Variants in RLIM observed in about 807,000 individuals in gnomAD.
RLIM encodes the protein ring finger protein, LIM domain interacting.
Under a neutral mutation model 34.0 loss-of-function variants are expected in RLIM, and 2 were observed. The ratio of observed to expected loss-of-function variants is 0.06; its 90% CI spans 0.02 to 0.19. RLIM has a LOEUF of 0.19. Ranked by LOEUF, RLIM falls within the 10% of genes least tolerant of loss-of-function variation. RLIM has a pLI of 1.00. For synonymous variants in RLIM, 169 were observed against 164.0 expected, an observed-to-expected ratio of 1.03 and a Z score of -0.23; for missense variants, 286 against 479.7, an observed-to-expected ratio of 0.60 and a Z score of 3.77.
At chrX:74,597,620 T>C (rs371253839) in intron 1 of RLIM, among the ~76,000 whole-genome samples, 1 of 112,100 alleles carries the variant, frequency 8.9e-6, no homozygotes, top group African/African-American at 3.2e-5. Flanking sequence ...AAAGACCTAG[T>C]TGGACAAATT....
chrX:74,599,331 A>G (rs753085760), intron 1 of RLIM, among the ~76,000 whole-genome samples: 2 of 112,079 alleles, frequency 1.8e-5, no homozygotes, highest in South Asian at 7.4e-4. Flanking sequence ...AAACAATGGT[A>G]GTCAACAATC....
At position 74,583,691 on chromosome X, in the gene RLIM, TGC is replaced by T; in HGVS notation, c.*7747_*7748del. On this transcript the variant is annotated 3_prime_UTR_variant, in exon 4 of 4. Coordinates refer to ENST00000332687, the MANE Select transcript of RLIM (RefSeq NM_016120.4). ...CATAGTGCTAAGGTGTATCTGGTAA[TGC>T]CCAGTGCTTTACTGAATTTACAGTA... 2.8e-6 allele frequency: 1 copy of T among 357,580 alleles called. No homozygotes were observed. The highest frequency in any genetic ancestry group is 4.9e-6 in the Non-Finnish European group (1 of 204,704). The allele number at this position is 357,580 out of a possible 1,213,427, so 29.5% of individuals were successfully genotyped here.
chrX:74,586,190 A>C lies in RLIM; in HGVS notation c.*5250T>G, dbSNP rs1387400344. 8.9e-6 allele frequency: 1 copy of C among 112,260 alleles called. No individual in the cohort carries two copies. The highest frequency in any genetic ancestry group is 1.9e-5 in the Non-Finnish European group (1 of 53,316). 9.3% of individuals were successfully genotyped at this position (112,260 alleles called of 1,213,427 possible). ...GCACCAGGGACAAATGGAGCTATCA[A>C]GAGGTAAAATCCAAACACTGGACAG... On this transcript the variant is annotated 3_prime_UTR_variant, in exon 4 of 4. Coordinates refer to ENST00000332687, the MANE Select transcript of RLIM (RefSeq NM_016120.4).
chrX:74,610,838 C>T (rs1344816006), intron 1 of RLIM, among the ~76,000 whole-genome samples: 1 of 108,930 alleles, frequency 9.2e-6, no homozygotes, highest in African/African-American at 3.4e-5. Flanking sequence ...TGCAGTGAGC[C>T]GAGAGTGCAC....
Position 74,588,489 on chromosome X carries a change from A to G in RLIM, c.*2951T>C, listed in dbSNP as rs1034898230. On this transcript the variant is annotated 3_prime_UTR_variant, in exon 4 of 4. Transcript: ENST00000332687. ...CTGTCTCAAAAAAACAAAACAAAAC[A>G]AAACAAAACAAAAAAACCTCAACTT... 1.4e-4 allele frequency: 16 copies of G among 111,927 alleles called. No homozygotes were observed. The highest frequency in any genetic ancestry group is 2.3e-4 in the Non-Finnish European group (12 of 53,213). 9.2% of individuals were successfully genotyped at this position (111,927 alleles called of 1,213,427 possible).
At chrX:74,596,211 G>A (rs1431361658) in intron 1 of RLIM, among the ~76,000 whole-genome samples, 2 of 112,052 alleles carry the variant, frequency 1.8e-5, no homozygotes, top group Non-Finnish European at 3.8e-5. Context: ...CAGGGTTGGC[G>A]AACTAAAGCC....
rs1284044248 is a variant in RLIM at position 74,585,436 on chromosome X, T to C, written c.*6004A>G. The stretch of plus-strand genomic sequence containing the variant: ...TTGGTTTGAAGCAACAGAACCTTTA[T>C]AGCAGATTCCCCTTTTTAAAGAAAA... On this transcript the variant is annotated 3_prime_UTR_variant, in exon 4 of 4. Transcript: ENST00000332687. The C allele has an allele frequency of 8.9e-6, 1 of 111,849 alleles. No individual in the cohort carries two copies. Among genetic ancestry groups the C allele is most frequent in the Non-Finnish European group, 1.9e-5 (1 of 53,209 alleles). The allele number at this position is 111,849 out of a possible 1,213,427, so 9.2% of individuals were successfully genotyped here.
chrX:74,607,660 G>T (rs181754582), intron 1 of RLIM, among the ~76,000 whole-genome samples: 1 of 112,776 alleles, frequency 8.9e-6, no homozygotes, highest in African/African-American at 3.2e-5. Flanking sequence ...AGTGAGCAGA[G>T]ATCGTGCCAT....
At chrX:74,594,772 G>A (rs2079632721) in intron 2 of RLIM, among the ~76,000 whole-genome samples, 1 of 109,487 alleles carries the variant, frequency 9.1e-6, no homozygotes, top group Admixed American at 9.8e-5. Context: ...GGTGGCAGGT[G>A]CCTGTAATCC....
In RLIM at chrX:74,583,950, G is replaced by A. The variant is rs375417765; in HGVS notation, c.*7490C>T. ...AATCCCAGCTACTCGGGAGGCTGAG[G>A]CAGGAGAATCGTTTGAACCCAGAGG... On this transcript the variant is annotated 3_prime_UTR_variant, in exon 4 of 4. Coordinates refer to ENST00000332687, the MANE Select transcript of RLIM (RefSeq NM_016120.4). Among the ~76,000 whole-genome samples, 1 of 111,320 alleles carries A rather than the reference G, an allele frequency of 9.0e-6. No individual in the cohort carries two copies. Among genetic ancestry groups the A allele is most frequent in the East Asian group, 2.8e-4 (1 of 3,541 alleles).
Position 74,591,931 on chromosome X carries a change from T to C in RLIM, c.1384A>G (p.Ser462Gly), listed in dbSNP as rs2147372077. The part of the protein sequence containing the change: ...GSSSGSSSSS[S>G]SSSSSSSSSS... ...CTGGAACTGGAACTCGAACTGGAAC[T>C]GGAACTCGAACTGGAACCAGAACTA... Residue 462 changes from serine to glycine, a missense_variant, in exon 4 of 4, where the codon AGT becomes GGT. Physicochemically the swap from Ser to Gly is moderately conservative, Grantham distance 56. Coordinates refer to ENST00000332687, the MANE Select transcript of RLIM (RefSeq NM_016120.4). 1 of 1,210,890 alleles carries C rather than the reference T, an allele frequency of 8.3e-7. No individual in the cohort carries two copies.
At position 74,588,290 on chromosome X, in the gene RLIM, T is replaced by G. The variant is rs2079596644; in HGVS notation, c.*3150A>C. 9.0e-6 allele frequency: 1 copy of G among 110,901 alleles called. No individual in the cohort carries two copies. The highest frequency in any genetic ancestry group is 1.9e-5 in the Non-Finnish European group (1 of 53,014). The allele number at this position is 110,901 out of a possible 1,213,427, so 9.1% of individuals were successfully genotyped here. A position where few individuals can be genotyped will look rare whatever the true frequency, so the allele number is the denominator to read the frequency against. ...TTCAAGACCAGCCTGGCCAACACGG[T>G]GAAGTCCCCATCTCTACTAAAAATA... is the stretch of plus-strand genomic sequence containing the variant. On this transcript the variant is annotated 3_prime_UTR_variant, in exon 4 of 4. Transcript: ENST00000332687.
Position 74,592,589 on chromosome X carries a change from A to C in RLIM, c.726T>G (p.Ser242=). The C allele has an allele frequency of 8.3e-7, 1 of 1,211,742 alleles. No individual in the cohort carries two copies. The highest frequency in any genetic ancestry group is 1.1e-6 in the Non-Finnish European group (1 of 895,538). The change falls in exon 4 of 4, where the codon TCT becomes TCG. Residue 242 remains serine (S), a synonymous_variant. Transcript: ENST00000332687. ...LHPMSEIPRR[S]HHSISSQTFE... is the part of the protein sequence containing the mutation. ...AAGTCTGAGATGAGATACTATGATG[A>C]GATCTTCGTGGAATTTCACTCATTG...
chrX:74,610,030 T>A (rs2819592), intron 1 of RLIM, among the ~76,000 whole-genome samples: 1 of 112,256 alleles, frequency 8.9e-6, no homozygotes, highest in Non-Finnish European at 1.9e-5. Flanking sequence ...TTGCAAGAAA[T>A]CCACCAATCT....
chrX:74,602,598 G>A (rs1446422415), intron 1 of RLIM, among the ~76,000 whole-genome samples: 1 of 111,632 alleles, frequency 9.0e-6, no homozygotes, highest in Non-Finnish European at 1.9e-5. Context: ...TTATCTGGGC[G>A]TGGTGGCGCA....
At chrX:74,599,002 T>C (rs1351037498) in intron 1 of RLIM, among the ~76,000 whole-genome samples, 1 of 111,443 alleles carries the variant, frequency 9.0e-6, no homozygotes, top group East Asian at 2.8e-4. Flanking sequence ...AAGAGTATCA[T>C]TCTTCTCATT....
chrX:74,589,392 G>A lies in RLIM; in HGVS notation c.*2048C>T, dbSNP rs1277371034. The A allele has an allele frequency of 9.0e-6, 1 of 110,944 alleles. No individual in the cohort carries two copies. Among genetic ancestry groups the A allele is most frequent in the East Asian group, 2.8e-4 (1 of 3,548 alleles). The allele number at this position is 110,944 out of a possible 1,213,427, so 9.1% of individuals were successfully genotyped here. On this transcript the variant is annotated 3_prime_UTR_variant, in exon 4 of 4. Transcript: ENST00000332687. ...TATAAAGGAATCCTGACTTTTACAC[G>A]GACAAATTTTTAAAAAGATAAAATG... is the stretch of plus-strand genomic sequence containing the variant.
At position 74,583,350 on chromosome X, in the gene RLIM, A is replaced by G; in HGVS notation, c.*8090T>C. The G allele has an allele frequency of 3.5e-6, 3 of 850,375 alleles. No homozygotes were observed. Among genetic ancestry groups the G allele is most frequent in the Non-Finnish European group, 3.5e-6 (2 of 564,413 alleles). 70.1% of individuals were successfully genotyped at this position (850,375 alleles called of 1,213,427 possible). On this transcript the variant is annotated 3_prime_UTR_variant, in exon 4 of 4. Transcript: ENST00000332687. ...TTGCTCTTGAGGGGCAGATGCCAAC[A>G]TGGAAACAGTCAAAGGTTCCTGACC... is the stretch of plus-strand genomic sequence containing the variant.
rs866155402 is a variant in RLIM, at chrX:74,583,249, C to T, written c.*8191G>A. 10,356 of 702,229 alleles carry T rather than the reference C, an allele frequency of 0.015. No homozygotes were observed. The highest frequency in any genetic ancestry group is 0.089 in the African/African-American group (3,109 of 34,869). The allele number at this position is 702,229 out of a possible 1,213,427, so 57.9% of individuals were successfully genotyped here. ...TCTGAATTATCAATCTCCAACAACA[C>T]GCCAGTGATTTTACCGGCAAGAGTA... On this transcript the variant is annotated 3_prime_UTR_variant, in exon 4 of 4. Transcript: ENST00000332687.
Sources: gnomAD v4.1 joint callset for allele counts (sites outside exome capture counted in the v4.1 genomes callset) on GRCh38, gnomAD v4.1.1 for gene constraint, MANE v1.5 for transcripts, NCBI Gene and HGNC (gene_info 2026-07-23, HGNC 2026-07-21) for gene names.